The following TBC1D1 variants were observed in gnomAD, a reference collection of about 807,000 sequenced individuals.
TBC1D1 encodes TBC1 domain family member 1, also known as TBC1 (tre-2/USP6, BUB2, cdc16) domain family, member 1.
In TBC1D1, 89 loss-of-function variants were observed where a neutral mutation model predicts 125.6. The observed-to-expected ratio is 0.71, with a 90% CI of 0.60 to 0.85. The LOEUF is 0.85. Among genes scored for constraint, TBC1D1 ranks in the 40% least tolerant of loss-of-function variants. TBC1D1 has a pLI of 0.00. For synonymous variants in TBC1D1, 565 were observed against 564.1 expected (o/e 1.00, Z -0.02); for missense variants, 1,377 against 1,469.2 (o/e 0.94, Z 1.03).
intron 17 of TBC1D1, among the ~76,000 whole-genome samples, chr4:38,124,370 T>C (rs1764317584): frequency 1.3e-5 from 2 of 152,218 alleles, no homozygotes; most frequent in African/African-American, 4.8e-5. Context: ...GAACAAAATA[T>C]GGCCAGAACT....
intron 8 of TBC1D1, among the ~76,000 whole-genome samples, chr4:38,037,777 A>G (rs556857159): frequency 1.3e-5 from 2 of 152,284 alleles, no homozygotes; most frequent in South Asian, 2.1e-4. Context: ...GGGAGGCCAT[A>G]TGCGCTTTTC....
chr4:38,019,771 A>G (rs1437852019), intron 4 of TBC1D1, among the ~76,000 whole-genome samples: 1 of 152,178 alleles, frequency 6.6e-6, no homozygotes, highest in African/African-American at 2.4e-5. Context: ...TTATGATACC[A>G]TGGTAGAGCC....
At chr4:37,913,200 C>G (rs1394774451) in intron 2 of TBC1D1, among the ~76,000 whole-genome samples, 1 of 152,068 alleles carries the variant, frequency 6.6e-6, no homozygotes, top group East Asian at 1.9e-4. Context: ...CAGACAGATC[C>G]TAATTCTCTG....
At chr4:38,070,471 A>G (rs546195326) in intron 12 of TBC1D1, among the ~76,000 whole-genome samples, 3 of 152,344 alleles carry the variant, frequency 2.0e-5, no homozygotes, top group African/African-American at 7.2e-5. Context: ...TGCATCGCCC[A>G]CATCTTGCCA....
At chr4:38,042,963 A>T (rs1172325590) in intron 8 of TBC1D1, among the ~76,000 whole-genome samples, 3 of 152,096 alleles carry the variant, frequency 2.0e-5, no homozygotes, top group Non-Finnish European at 1.5e-5. Context: ...GTGCAGTAGC[A>T]TGATCTTGGC....
At chr4:37,894,075 G>A (rs1460146973) in intron 1 of TBC1D1, among the ~76,000 whole-genome samples, 3 of 149,384 alleles carry the variant, frequency 2.0e-5, no homozygotes, top group African/African-American at 7.4e-5. Flanking sequence ...TGCAACCTCC[G>A]CCTCCTGGGT....
At chr4:37,907,404 C>T (rs1206715010) in intron 2 of TBC1D1, among the ~76,000 whole-genome samples, 1 of 151,804 alleles carries the variant, frequency 6.6e-6, no homozygotes, top group Admixed American at 6.6e-5. Flanking sequence ...TTCTTTGAGA[C>T]GGAGTTTCAT....
intron 12 of TBC1D1, among the ~76,000 whole-genome samples, chr4:38,068,625 C>T (rs930943704): frequency 6.6e-6 from 1 of 152,110 alleles, no homozygotes. Context: ...GTACAGTAAC[C>T]AACAGCCACA....
chr4:38,046,681 C>G (rs994103452), intron 10 of TBC1D1, among the ~76,000 whole-genome samples: 1 of 152,150 alleles, frequency 6.6e-6, no homozygotes, highest in African/African-American at 2.4e-5. Flanking sequence ...AAACTTTATC[C>G]TGTAGCTGGC....
At chr4:38,015,910 G>A (rs1350342474) in intron 3 of TBC1D1, among the ~76,000 whole-genome samples, 2 of 152,148 alleles carry the variant, frequency 1.3e-5, no homozygotes, top group African/African-American at 4.8e-5. Flanking sequence ...TTTGACCATT[G>A]ATCTAGTGTA....
intron 13 of TBC1D1, among the ~76,000 whole-genome samples, chr4:38,092,753 A>G (rs930458474): frequency 2.1e-5 from 3 of 142,778 alleles, no homozygotes; most frequent in African/African-American, 8.1e-5. Context: ...AAAAAAAAAG[A>G]AAGAAGTAAT....
chr4:37,970,949 C>A (rs1008659218), intron 2 of TBC1D1, among the ~76,000 whole-genome samples: 3 of 152,068 alleles, frequency 2.0e-5, no homozygotes, highest in African/African-American at 7.3e-5. Flanking sequence ...TGGCCCCCCC[C>A]ACTAGAGGGC....
intron 11 of TBC1D1, chr4:38,053,116 C>G (rs58983546): frequency 3.3e-6 from 5 of 1,497,538 alleles, no homozygotes; most frequent in African/African-American, 1.4e-5. Context: ...CATCTCCTAC[C>G]GTAATGCCCT....
chr4:37,944,910 C>T (rs1726348278), intron 2 of TBC1D1, among the ~76,000 whole-genome samples: 1 of 152,170 alleles, frequency 6.6e-6, no homozygotes, highest in Non-Finnish European at 1.5e-5. Context: ...CAGAAATCAC[C>T]CGTCTTCTGT....
chr4:38,042,099 C>T (rs1490024726), intron 8 of TBC1D1, among the ~76,000 whole-genome samples: 1 of 151,784 alleles, frequency 6.6e-6, no homozygotes, highest in Non-Finnish European at 1.5e-5. Context: ...TCACTTGAGC[C>T]CAGGAGGTAG....
chr4:38,071,061 G>A (rs1754624544), intron 12 of TBC1D1, among the ~76,000 whole-genome samples: 1 of 152,202 alleles, frequency 6.6e-6, no homozygotes, highest in African/African-American at 2.4e-5. Context: ...CATGACCAGT[G>A]ATTTGAGCTG....
chr4:38,120,400 A>G (rs769999756), intron 17 of TBC1D1, among the ~76,000 whole-genome samples: 2 of 152,174 alleles, frequency 1.3e-5, no homozygotes, highest in East Asian at 1.9e-4. Flanking sequence ...AACCATTTCT[A>G]TTTTTAGCAC....
At chr4:38,118,759 C>T (rs1763390469) in intron 17 of TBC1D1, among the ~76,000 whole-genome samples, 2 of 152,260 alleles carry the variant, frequency 1.3e-5, no homozygotes, top group Non-Finnish European at 2.9e-5. Flanking sequence ...GGCCTCTTGC[C>T]CCTGAGCCCA....
intron 12 of TBC1D1, among the ~76,000 whole-genome samples, chr4:38,065,958 C>T (rs547624174): frequency 4.6e-5 from 7 of 152,280 alleles, no homozygotes; most frequent in African/African-American, 1.4e-4. Context: ...ACTTACTGCC[C>T]ATCTTTTAAG....
Sources: gnomAD v4.1 joint callset for allele counts (sites outside exome capture counted in the v4.1 genomes callset) on GRCh38, gnomAD v4.1.1 for gene constraint, MANE v1.5 for transcripts, NCBI Gene and HGNC (gene_info 2026-07-23, HGNC 2026-07-21) for gene names.